Variants in HERPUD2 observed in about 807,000 individuals in gnomAD.
HERPUD2 encodes homocysteine-responsive endoplasmic reticulum-resident ubiquitin-like domain member 2 protein.
Under a neutral mutation model 49.9 loss-of-function variants are expected in HERPUD2, and 13 were observed. The observed-to-expected ratio is 0.26, with a 90% CI of 0.17 to 0.41. The LOEUF is 0.41. Ranked by LOEUF, HERPUD2 falls within the 10% of genes least tolerant of loss-of-function variation. The pLI is 1.00. For synonymous variants in HERPUD2, 172 were observed against 171.4 expected (o/e 1.00, Z -0.03); for missense variants, 449 against 492.2 (o/e 0.91, Z 0.83).
chr7:35,646,220 CCAA>C (rs1334695726), intron 5 of HERPUD2, among the ~76,000 whole-genome samples: 1 of 151,904 alleles, frequency 6.6e-6, no homozygotes, highest in African/African-American at 2.4e-5. Flanking sequence ...TGTAAGGTTA[CCAA>C]CACAGTAAAA....
At chr7:35,678,748 T>G (rs1414594928) in intron 2 of HERPUD2, among the ~76,000 whole-genome samples, 1 of 152,206 alleles carries the variant, frequency 6.6e-6, no homozygotes, top group Non-Finnish European at 1.5e-5. Context: ...TTTTTTATTT[T>G]TGGTTAAAGA....
At chr7:35,679,267 C>T (rs1328931402) in intron 2 of HERPUD2, among the ~76,000 whole-genome samples, 1 of 152,156 alleles carries the variant, frequency 6.6e-6, no homozygotes, top group East Asian at 1.9e-4. Flanking sequence ...GGGTCCCACG[C>T]ATACAAATAA....
At chr7:35,657,752 T>C (rs911535001) in intron 5 of HERPUD2, among the ~76,000 whole-genome samples, 1 of 131,038 alleles carries the variant, frequency 7.6e-6, no homozygotes, top group Non-Finnish European at 1.7e-5. Context: ...TACTAAAAAA[T>C]ACAAAAAAAA....
intron 5 of HERPUD2, among the ~76,000 whole-genome samples, chr7:35,657,580 G>C (rs1158861537): frequency 1.4e-5 from 2 of 145,374 alleles, no homozygotes; most frequent in African/African-American, 5.2e-5. Flanking sequence ...CTCCAGCCTG[G>C]GCAACAGAGC....
chr7:35,686,250 G>A (rs536787806), intron 2 of HERPUD2, among the ~76,000 whole-genome samples: 333 of 150,270 alleles, frequency 2.2e-3, no homozygotes, highest in Middle Eastern at 3.4e-3. Context: ...GTGCAGTGGC[G>A]CGATCTCAGC....
intron 2 of HERPUD2, among the ~76,000 whole-genome samples, chr7:35,679,621 C>T (rs1283365923): frequency 6.6e-6 from 1 of 152,072 alleles, no homozygotes; most frequent in Non-Finnish European, 1.5e-5. Flanking sequence ...TGGTTTTTGC[C>T]CTGCCAGAGT....
chr7:35,679,102 C>A (rs534521235), intron 2 of HERPUD2, among the ~76,000 whole-genome samples: 39 of 152,114 alleles, frequency 2.6e-4, no homozygotes, highest in African/African-American at 9.2e-4. Context: ...CAATGCAATA[C>A]AAGTTAAATA....
intron 6 of HERPUD2, 53 bp downstream of exon 6, chr7:35,638,297 A>G: frequency 6.7e-7 from 1 of 1,490,180 alleles, no homozygotes; most frequent in Non-Finnish European, 9.1e-7. Context: ...TAAAAAGAAA[A>G]TAAAGCAAAT....
chr7:35,656,372 G>A (rs1048703752), intron 5 of HERPUD2, among the ~76,000 whole-genome samples: 2 of 151,880 alleles, frequency 1.3e-5, no homozygotes, highest in African/African-American at 4.8e-5. Context: ...TGAATCAGAA[G>A]AGCTCATATC....
At chr7:35,667,384 A>AT in intron 5 of HERPUD2, 50 bp downstream of exon 5, 1 of 1,551,254 alleles carries the variant, frequency 6.4e-7, no homozygotes, top group South Asian at 1.2e-5. Context: ...AAAGCAATTC[A>AT]TTTTTAGGGG....
chr7:35,637,188 T>C (rs540199993), intron 6 of HERPUD2, among the ~76,000 whole-genome samples: 6 of 149,890 alleles, frequency 4.0e-5, no homozygotes, highest in Admixed American at 2.6e-4. Flanking sequence ...GATAGATAGA[T>C]AGATAGATAG....
intron 5 of HERPUD2, among the ~76,000 whole-genome samples, chr7:35,644,082 C>A (rs1386430535): frequency 2.0e-5 from 3 of 152,020 alleles, no homozygotes; most frequent in Non-Finnish European, 4.4e-5. Context: ...TATGCTAATT[C>A]ATTAGGGACT....
intron 2 of HERPUD2, among the ~76,000 whole-genome samples, chr7:35,686,864 G>A (rs550685561): frequency 1.2e-4 from 14 of 114,598 alleles, no homozygotes; most frequent in African/African-American, 4.7e-4. Flanking sequence ...TCAGGAGTTC[G>A]AGACCAGCCT....
At chr7:35,664,388 G>A (rs1785494547) in intron 5 of HERPUD2, among the ~76,000 whole-genome samples, 1 of 152,128 alleles carries the variant, frequency 6.6e-6, no homozygotes, top group Non-Finnish European at 1.5e-5. Flanking sequence ...TATTCTCGAG[G>A]AGTATCTTTG....
intron 5 of HERPUD2, among the ~76,000 whole-genome samples, chr7:35,659,270 T>C (rs1785356696): frequency 1.3e-5 from 2 of 152,214 alleles, no homozygotes; most frequent in African/African-American, 4.8e-5. Context: ...AGTCAAATCA[T>C]GTTCATTGTT....
chr7:35,640,181 T>C (rs913925453), intron 5 of HERPUD2, among the ~76,000 whole-genome samples: 4 of 152,242 alleles, frequency 2.6e-5, no homozygotes, highest in Non-Finnish European at 5.9e-5. Context: ...AGCTGATGCA[T>C]CTCTGAGCAA....
chr7:35,677,775 A>C (rs1785797871), intron 2 of HERPUD2, among the ~76,000 whole-genome samples: 1 of 152,200 alleles, frequency 6.6e-6, no homozygotes, highest in South Asian at 2.1e-4. Flanking sequence ...AAGAGAGAAA[A>C]ACAATTTCAA....
chr7:35,639,845 CA>C (rs757801813), intron 5 of HERPUD2, among the ~76,000 whole-genome samples: 17 of 152,202 alleles, frequency 1.1e-4, no homozygotes, highest in Non-Finnish European at 1.9e-4. Flanking sequence ...ACCTTCCCCA[CA>C]TATTACCTGA....
intron 6 of HERPUD2, among the ~76,000 whole-genome samples, chr7:35,637,786 C>A (rs980107704): frequency 9.2e-5 from 14 of 151,910 alleles, no homozygotes; most frequent in African/African-American, 3.4e-4. Context: ...GAAAGAGTGA[C>A]CAGAAAGATA....
Sources: gnomAD v4.1 joint callset for allele counts (sites outside exome capture counted in the v4.1 genomes callset) on GRCh38, gnomAD v4.1.1 for gene constraint, MANE v1.5 for transcripts, NCBI Gene and HGNC (gene_info 2026-07-23, HGNC 2026-07-21) for gene names.